Variants in ZNF638 observed in about 807,000 individuals in gnomAD.
ZNF638 encodes CTCL tumor antigen se33-1.
Under a neutral mutation model 195.6 loss-of-function variants are expected in ZNF638, and 46 were observed. The ratio of observed to expected loss-of-function variants is 0.24; its 90% CI spans 0.19 to 0.30. The LOEUF (loss-of-function observed/expected upper bound fraction) is 0.30, where lower values mean the gene tolerates loss of function less well. ZNF638 is among the 10% of genes least tolerant of loss of function. The pLI is 1.00. For missense variants in ZNF638, 2,440 were observed against 2,325.3 expected (o/e 1.05, Z -1.01); for synonymous variants, 845 against 772.0 (o/e 1.09, Z -1.57).
At chr2:71,419,330 T>C (rs1019654891) in intron 21 of ZNF638, among the ~76,000 whole-genome samples, 3 of 152,222 alleles carry the variant, frequency 2.0e-5, no homozygotes, top group Non-Finnish European at 4.4e-5. Context: ...TTTTTCCTCC[T>C]GTATACTGAG....
intron 17 of ZNF638, 148 bp from the exon 18 acceptor site, chr2:71,405,453 A>G: frequency 1.8e-6 from 1 of 553,000 alleles, no homozygotes; most frequent in Non-Finnish European, 3.2e-6. Flanking sequence ...GATTTTTGGA[A>G]AGAATGTAAA....
intron 2 of ZNF638, 54 bp from the exon 3 acceptor site, chr2:71,355,665 A>T: frequency 8.6e-7 from 1 of 1,159,658 alleles, no homozygotes; most frequent in South Asian, 1.4e-5. Context: ...AGCCTAATTC[A>T]TTAGTCAACA....
chr2:71,384,969 C>G (rs1241527032), intron 10 of ZNF638, among the ~76,000 whole-genome samples: 1 of 152,160 alleles, frequency 6.6e-6, no homozygotes, highest in Non-Finnish European at 1.5e-5. Context: ...TCCACCAAAT[C>G]TTTCAGAAAG....
chr2:71,391,023 A>G (rs1175776724), intron 10 of ZNF638, among the ~76,000 whole-genome samples: 1 of 152,230 alleles, frequency 6.6e-6, no homozygotes, highest in African/African-American at 2.4e-5. Context: ...CAATTTGGGT[A>G]GCACAGTGGC....
Position 71,348,891 on chromosome 2 carries a change from C to T in ZNF638, c.-64C>T, listed in dbSNP as rs1400524523. ...AGTTGGCGCTTCAGCAGCTGAATGC[C>T]GTTGCCTCACATGGTTCAACACCAC... is the stretch of plus-strand genomic sequence containing the variant. On this transcript the variant is annotated 5_prime_UTR_variant, in exon 2 of 28. Transcript: ENST00000264447. The T allele has an allele frequency of 3.7e-6, 6 of 1,613,856 alleles. No homozygotes were observed. Among genetic ancestry groups the T allele is most frequent in the East Asian group, 2.2e-5 (1 of 44,882 alleles).
At chr2:71,388,791 A>G (rs753199092) in intron 10 of ZNF638, 16 of 826,718 alleles carry the variant, frequency 1.9e-5, no homozygotes, top group Non-Finnish European at 2.9e-5. Context: ...TTTCATCATG[A>G]GACAACAGCT....
chr2:71,403,747 A>C, intron 16 of ZNF638, 123 bp from the exon 17 acceptor site: 1 of 614,754 alleles, frequency 1.6e-6, no homozygotes, highest in South Asian at 4.0e-5. Flanking sequence ...TTTTATCTTT[A>C]AAATATTTAC....
intron 10 of ZNF638, chr2:71,393,602 A>C: frequency 1.4e-6 from 1 of 718,106 alleles, no homozygotes; most frequent in Non-Finnish European, 2.6e-6. Context: ...CAGACACAGA[A>C]ACCATTCACT....
chr2:71,426,609 G>T lies in ZNF638; in HGVS notation c.4740G>T (p.Lys1580Asn). The change falls in exon 24 of 28, where the codon AAG (lysine) becomes AAT (asparagine). Residue 1580 changes from lysine to asparagine, a missense_variant. Lys to Asn is a moderately conservative substitution (Grantham distance 94, BLOSUM62 0). Around this residue, in one of 5 missense-constraint regions of ZNF638, gnomAD observed 1,883 missense variants for 1,739.1 expected, o/e 1.08. Coordinates refer to ENST00000264447, the MANE Select transcript of ZNF638 (RefSeq NM_014497.5). ...KNVPFSELNL[K>N]KKKGKTSTPR... ...TTCCTTTCTCTGAACTTAACTTAAA[G>T]AAGAAAAAGGGGAAAACTTCCACTC... 4 of 1,614,086 alleles carry T rather than the reference G, an allele frequency of 2.5e-6. No individual in the cohort carries two copies. Among genetic ancestry groups the T allele is most frequent in the Non-Finnish European group, 3.4e-6 (4 of 1,180,002 alleles).
rs185707435 is a variant in ZNF638, at chr2:71,358,779, G to C, written c.1379+2999G>C. ...CCCTTGTCTCTACTGGGTCAGTCAG[G>C]ACTCTTTCCTATCGGTGCCATTTTT... On this transcript the variant is annotated intron_variant, in intron 3 of 27. Coordinates refer to ENST00000264447, the MANE Select transcript of ZNF638 (RefSeq NM_014497.5). Among the ~76,000 whole-genome samples the C allele has an allele frequency of 2.5e-4, 38 of 152,174 alleles. 1 individual carries two copies. Among genetic ancestry groups the C allele is most frequent in the Non-Finnish European group, 4.9e-4 (33 of 68,010 alleles).
At chr2:71,430,540 T>C (rs950309501) in intron 25 of ZNF638, among the ~76,000 whole-genome samples, 6 of 152,204 alleles carry the variant, frequency 3.9e-5, no homozygotes, top group African/African-American at 1.2e-4. Context: ...GGTTCTAGCC[T>C]GTGTCACTCA....
At position 71,349,767 on chromosome 2, in the gene ZNF638, A is replaced by G. The variant is rs2078909951; in HGVS notation, c.813A>G (p.Gln271=). The part of the protein sequence containing the change: ...SMFPVEDVFR[Q]MDFPGESSNN... ...TTCCTGTTGAAGACGTATTTCGCCA[A>G]ATGGACTTCCCCGGTGAGTCCTCCA... is the stretch of plus-strand genomic sequence containing the variant. Residue 271 remains glutamine (Q), a synonymous_variant, in exon 2 of 28, where the codon CAA becomes CAG. Coordinates refer to ENST00000264447, the MANE Select transcript of ZNF638 (RefSeq NM_014497.5). 4 of 1,614,066 alleles carry G rather than the reference A, an allele frequency of 2.5e-6. No individual in the cohort carries two copies. The highest frequency in any genetic ancestry group is 2.5e-6 in the Non-Finnish European group (3 of 1,180,038).
At position 71,429,351 on chromosome 2, in the gene ZNF638, G is replaced by A. The variant is rs547743345; in HGVS notation, c.5650+700G>A. 1.4e-4 allele frequency among the ~76,000 whole-genome samples: 22 copies of A among 152,286 alleles called. No individual in the cohort carries two copies. In the East Asian group the frequency reaches 4.0e-3, roughly 28 times the overall value. On this transcript the variant is annotated intron_variant, in intron 25 of 27. Coordinates refer to ENST00000264447, the MANE Select transcript of ZNF638 (RefSeq NM_014497.5). Reference sequence around the variant, plus strand: ...GGATTTCAGGTGGGCTCTCAGTGCTGCTCCCAATATATTAGAGGTCTCCTT... The same window carrying A: ...GGATTTCAGGTGGGCTCTCAGTGCTACTCCCAATATATTAGAGGTCTCCTT...
intron 2 of ZNF638, among the ~76,000 whole-genome samples, chr2:71,354,646 AG>A (rs1475081322): frequency 6.6e-6 from 1 of 151,900 alleles, no homozygotes; most frequent in Non-Finnish European, 1.5e-5. Flanking sequence ...CTGAGGCAGG[AG>A]AATCACTTGA....
intron 1 of ZNF638, among the ~76,000 whole-genome samples, chr2:71,335,334 G>A (rs2078647433): frequency 6.6e-6 from 1 of 151,988 alleles, no homozygotes; most frequent in Non-Finnish European, 1.5e-5. Context: ...GAGCTATTGC[G>A]CCCAGCCTGT....
intron 21 of ZNF638, 136 bp from the exon 22 acceptor site, chr2:71,422,678 C>T: frequency 4.8e-6 from 4 of 839,396 alleles, no homozygotes; most frequent in South Asian, 3.7e-5. Context: ...TTTCCCAGTG[C>T]TTATTACGAA....
Position 71,349,422 on chromosome 2 carries a change from A to C in ZNF638, c.468A>C (p.Glu156Asp). Residue 156 changes from glutamate to aspartate, a missense_variant, in exon 2 of 28, where the codon GAA becomes GAC. Physicochemically the swap from Glu to Asp is conservative, Grantham distance 45. Around this residue, in one of 5 missense-constraint regions of ZNF638, gnomAD observed 24 missense variants for 53.1 expected, o/e 0.45. Transcript: ENST00000264447. The part of the protein sequence containing the change: ...SFGLSNEDLE[E>D]LSRYPDEQLT... ...GATTATCTAATGAAGACCTAGAAGA[A>C]CTTAGTCGCTATCCTGATGAACAAC... 1.2e-6 allele frequency: 2 copies of C among 1,614,140 alleles called. No homozygotes were observed. Among genetic ancestry groups the C allele is most frequent in the Non-Finnish European group, 1.7e-6 (2 of 1,180,026 alleles).
In ZNF638 at chr2:71,408,122, G is replaced by A. The variant is rs1235947641; in HGVS notation, c.3136G>A (p.Ala1046Thr). The change falls in exon 20 of 28, where the codon GCA becomes ACA. Residue 1046 changes from alanine to threonine, a missense_variant and splice_region_variant. By Grantham distance (58) the Ala-to-Thr change is moderately conservative. Coordinates refer to ENST00000264447, the MANE Select transcript of ZNF638 (RefSeq NM_014497.5). ...CATAACTTTTTAATCTTCTCCAAAG[G>A]CAATTCTTCAGTTAGATAGTCCTGA... Reference protein sequence around the residue: ...HHVFISNRNKAILQLDSPESA... With the variant: ...HHVFISNRNKTILQLDSPESA... 6.2e-7 allele frequency: 1 copy of A among 1,601,720 alleles called. No individual in the cohort carries two copies. The highest frequency in any genetic ancestry group is 1.1e-5 in the South Asian group (1 of 88,056).
At chr2:71,368,336 T>C (rs765469698) in intron 6 of ZNF638, 46 bp from the exon 7 acceptor site, 2 of 1,558,240 alleles carry the variant, frequency 1.3e-6, no homozygotes, top group African/African-American at 2.7e-5. Flanking sequence ...CTGTACATTG[T>C]AGCTTAATTT....
Sources: allele counts gnomAD v4.1 joint callset (sites outside exome capture counted in the v4.1 genomes callset), GRCh38; gene constraint gnomAD v4.1.1; regional missense constraint gnomAD v4.1.1; transcripts MANE v1.5; gene names NCBI Gene and HGNC (gene_info 2026-07-23, HGNC 2026-07-21).